Variants in PLEKHM3 observed in about 807,000 individuals in gnomAD.
PLEKHM3 encodes the protein pleckstrin homology domain containing M3, also known as pleckstrin homology domain-containing family M member 3.
A neutral mutation model predicts 81.8 loss-of-function variants in PLEKHM3; 45 were observed. The observed-to-expected ratio is 0.55, with a 90% CI of 0.43 to 0.71. The LOEUF is 0.71. Among genes scored for constraint, PLEKHM3 ranks in the 30% least tolerant of loss-of-function variants. The probability of loss-of-function intolerance (pLI) is 0.00; values close to 1 mark genes in which losing one functional copy is unlikely to be tolerated. For missense variants in PLEKHM3, 788 were observed against 924.3 expected (o/e 0.85, Z 1.91); for synonymous variants, 352 against 356.4 (o/e 0.99, Z 0.14).
At chr2:207,995,342 A>G (rs778004157) in intron 2 of PLEKHM3, among the ~76,000 whole-genome samples, 1 of 152,250 alleles carries the variant, frequency 6.6e-6, no homozygotes, top group Non-Finnish European at 1.5e-5. Context: ...AATTTCAACT[A>G]TACCTATATT....
chr2:207,858,174 G>GTGTGTGTGTGTGTA (rs373920637), intron 7 of PLEKHM3, among the ~76,000 whole-genome samples: 74 of 123,292 alleles, frequency 6.0e-4, no homozygotes, highest in East Asian at 1.3e-3. Flanking sequence ...GTGTGTGTGT[G>GTGTGTGTGTGTGTA]TATATATTTT....
chr2:208,017,797 T>C (rs1692973758), intron 1 of PLEKHM3, among the ~76,000 whole-genome samples: 1 of 152,126 alleles, frequency 6.6e-6, no homozygotes, highest in South Asian at 2.1e-4. Flanking sequence ...CTAAAGACTT[T>C]TCACTCAGCA....
chr2:207,915,726 T>G (rs112622619), intron 5 of PLEKHM3, among the ~76,000 whole-genome samples: 1,977 of 152,228 alleles, frequency 0.013, 46 homozygotes, highest in African/African-American at 0.045. Flanking sequence ...TGATTCTAAA[T>G]GATAAGGGTC....
intron 2 of PLEKHM3, among the ~76,000 whole-genome samples, chr2:207,990,184 T>C (rs1691852890): frequency 6.6e-6 from 1 of 152,184 alleles, no homozygotes; most frequent in Non-Finnish European, 1.5e-5. Context: ...TCTTATTAAA[T>C]ACCCTTTTAA....
At chr2:207,943,348 A>G (rs1256333161) in intron 4 of PLEKHM3, among the ~76,000 whole-genome samples, 2 of 152,228 alleles carry the variant, frequency 1.3e-5, no homozygotes, top group Non-Finnish European at 2.9e-5. Context: ...CTGTTTCCAT[A>G]TGAAGCCCCT....
At chr2:207,892,355 T>C (rs1200902381) in intron 6 of PLEKHM3, among the ~76,000 whole-genome samples, 1 of 152,232 alleles carries the variant, frequency 6.6e-6, no homozygotes, top group Non-Finnish European at 1.5e-5. Flanking sequence ...TCCATACCAA[T>C]GCATCATAAT....
At chr2:207,941,457 A>G (rs1305611109) in intron 4 of PLEKHM3, among the ~76,000 whole-genome samples, 1 of 152,184 alleles carries the variant, frequency 6.6e-6, no homozygotes, top group Non-Finnish European at 1.5e-5. Context: ...CCCTCAGGAT[A>G]TACAAAAATC....
At chr2:207,946,330 A>C in intron 4 of PLEKHM3, 37 bp downstream of exon 4, 1 of 1,588,812 alleles carries the variant, frequency 6.3e-7, no homozygotes, top group Non-Finnish European at 8.6e-7. Context: ...GAACACCTGA[A>C]TTATTATTAT....
intron 7 of PLEKHM3, among the ~76,000 whole-genome samples, chr2:207,842,841 A>G (rs959969017): frequency 2.0e-5 from 3 of 152,234 alleles, no homozygotes; most frequent in Non-Finnish European, 4.4e-5. Context: ...AGAAGGCTAA[A>G]TAGTAGTATT....
At chr2:207,878,127 A>G (rs2092568598) in intron 6 of PLEKHM3, among the ~76,000 whole-genome samples, 1 of 152,072 alleles carries the variant, frequency 6.6e-6, no homozygotes, top group African/African-American at 2.4e-5. Flanking sequence ...TTTTGGAGAT[A>G]AGGTCTCCCT....
At chr2:207,899,703 A>G (rs1688354648) in intron 6 of PLEKHM3, among the ~76,000 whole-genome samples, 1 of 152,174 alleles carries the variant, frequency 6.6e-6, no homozygotes, top group Non-Finnish European at 1.5e-5. Context: ...TCATTCTACG[A>G]ATGTTTTGTT....
chr2:207,899,434 C>A lies in PLEKHM3; in HGVS notation c.1950+9080G>T, dbSNP rs112949801. Among the ~76,000 whole-genome samples the A allele has an allele frequency of 3.3e-5, 5 of 152,210 alleles. No homozygotes were observed. The East Asian group carries it at 9.6e-4, about 29-fold the overall frequency. ...GACCATAATCAGTAAGAATCTAGTC[C>A]GTTTCTGAGAAAATGTGCCCTTTCA... On this transcript the variant is annotated intron_variant, in intron 6 of 7. Coordinates refer to ENST00000427836, the MANE Select transcript of PLEKHM3 (RefSeq NM_001080475.3).
intron 7 of PLEKHM3, among the ~76,000 whole-genome samples, chr2:207,840,311 A>C (rs1294222298): frequency 6.6e-6 from 1 of 152,088 alleles, no homozygotes; most frequent in Non-Finnish European, 1.5e-5. Flanking sequence ...CAGCCTCCCA[A>C]GTATTAACAG....
rs2106033612 is a variant in PLEKHM3, at chr2:207,977,580, T to C, written c.617A>G (p.Lys206Arg). 1 of 1,601,442 alleles carries C rather than the reference T, an allele frequency of 6.2e-7. No individual in the cohort carries two copies. Among genetic ancestry groups the C allele is most frequent in the East Asian group, 2.2e-5 (1 of 44,840 alleles). ...IEDAQGNTEHKQTFPNILKKG... is the reference protein window; with the variant it reads ...IEDAQGNTEHRQTFPNILKKG... ...CTTTAGAATGTTTGGGAATGTCTGCTTGTGTTCTAGAAAGGAAAAGAGAGG... is the reference window on the plus strand; with the variant it reads ...CTTTAGAATGTTTGGGAATGTCTGCCTGTGTTCTAGAAAGGAAAAGAGAGG... Residue 206 changes from lysine (K) to arginine (R), a missense_variant, in exon 3 of 8, where the codon AAG (lysine) becomes AGG (arginine). By Grantham distance (26) the Lys-to-Arg change is conservative. Coordinates refer to ENST00000427836, the MANE Select transcript of PLEKHM3 (RefSeq NM_001080475.3).
intron 5 of PLEKHM3, among the ~76,000 whole-genome samples, chr2:207,915,937 G>A (rs917619715): frequency 6.6e-6 from 1 of 152,188 alleles, no homozygotes; most frequent in African/African-American, 2.4e-5. Context: ...CATCCCCAGG[G>A]AGATGCAATT....
chr2:207,838,413 A>G (rs1471944338), intron 7 of PLEKHM3, among the ~76,000 whole-genome samples: 1 of 152,242 alleles, frequency 6.6e-6, no homozygotes, highest in Non-Finnish European at 1.5e-5. Flanking sequence ...TCAGCTAAAT[A>G]CCTTTGACAA....
chr2:207,827,034 ATTAT>A lies in PLEKHM3; in HGVS notation c.*1281_*1284del, dbSNP rs1463457351. 1 of 152,050 alleles carries A rather than the reference ATTAT, an allele frequency of 6.6e-6. No homozygotes were observed. Among genetic ancestry groups the A allele is most frequent in the Non-Finnish European group, 1.5e-5 (1 of 68,020 alleles). 9.4% of individuals were successfully genotyped at this position (152,050 alleles called of 1,614,324 possible). On this transcript the variant is annotated 3_prime_UTR_variant, in exon 8 of 8. Transcript: ENST00000427836. ...CAAAGCAGATCTCTTTCTTACTCCT[ATTAT>A]TTATTTTAGCACTCTTTGTTTTACT...
rs114049200 is a variant in PLEKHM3, at chr2:207,860,548, G to C, written c.2108+557C>G. Among the ~76,000 whole-genome samples the C allele has an allele frequency of 6.3e-3, 962 of 152,236 alleles. 12 individuals carry two copies. The highest frequency in any genetic ancestry group is 0.022 in the African/African-American group (913 of 41,542). ...TTTGTGAATCATCCATCAATCCATG[G>C]ATGTGATGATGCCCAAATATTACTT... is the stretch of plus-strand genomic sequence containing the variant. On this transcript the variant is annotated intron_variant, in intron 7 of 7. Transcript: ENST00000427836.
chr2:207,822,607 T>C lies in PLEKHM3; in HGVS notation c.*5712A>G, dbSNP rs2092224583. The C allele has an allele frequency of 6.5e-6, 1 of 152,818 alleles. No homozygotes were observed. Among genetic ancestry groups the C allele is most frequent in the Non-Finnish European group, 1.5e-5 (1 of 68,080 alleles). The allele number at this position is 152,818 out of a possible 1,614,324, so 9.5% of individuals were successfully genotyped here. A position where few individuals can be genotyped will look rare whatever the true frequency, so the allele number is the denominator to read the frequency against. ...GAAGCCAATGTTTGTACCATTCTAC[T>C]TTAACGACGTGTTTCCGACATGATT... On this transcript the variant is annotated 3_prime_UTR_variant, in exon 8 of 8. Coordinates refer to ENST00000427836, the MANE Select transcript of PLEKHM3 (RefSeq NM_001080475.3).
Sources: allele counts gnomAD v4.1 joint callset (sites outside exome capture counted in the v4.1 genomes callset), GRCh38; gene constraint gnomAD v4.1.1; transcripts MANE v1.5; gene names NCBI Gene and HGNC (gene_info 2026-07-23, HGNC 2026-07-21).